PCDHGB1: variants seen among roughly 807,000 people sequenced by gnomAD.
PCDHGB1 encodes protocadherin gamma-B1.
A neutral mutation model predicts 56.6 loss-of-function variants in PCDHGB1; 34 were observed. The ratio of observed to expected loss-of-function variants is 0.60; its 90% CI spans 0.46 to 0.80. The LOEUF (loss-of-function observed/expected upper bound fraction) is 0.80, where lower values mean the gene tolerates loss of function less well. Ranked by LOEUF, PCDHGB1 falls within the 30% of genes least tolerant of loss-of-function variation. The probability of loss-of-function intolerance (pLI) is 0.00; values close to 1 mark genes in which losing one functional copy is unlikely to be tolerated. For synonymous variants in PCDHGB1, 561 were observed against 505.9 expected, an observed-to-expected ratio of 1.11 and a Z score of -1.46; for missense variants, 1,278 against 1,204.6, an observed-to-expected ratio of 1.06 and a Z score of -0.90.
At chr5:141,410,526 C>T in intron 1 of PCDHGB1, 4 of 1,613,920 alleles carry the variant, frequency 2.5e-6, no homozygotes, top group Non-Finnish European at 3.4e-6. Context: ...CCCCTACATT[C>T]CAATGAAGAC....
At chr5:141,369,112 G>C (rs527912435) in intron 1 of PCDHGB1, among the ~76,000 whole-genome samples, 4 of 152,288 alleles carry the variant, frequency 2.6e-5, no homozygotes, top group Non-Finnish European at 5.9e-5. Flanking sequence ...AATTAAAACT[G>C]TAAGACACCT....
Position 141,418,514 on chromosome 5 carries a change from G to A in PCDHGB1, c.2409+65845G>A. Reference sequence around the variant, plus strand: ...GGTACTGACCGCCTTAGATGGTGGGGACCCTCCCCGAAGCGGTACTGCTCA... The same window carrying A: ...GGTACTGACCGCCTTAGATGGTGGGAACCCTCCCCGAAGCGGTACTGCTCA... On this transcript the variant is annotated intron_variant, in intron 1 of 3. Transcript: ENST00000523390. 1 of 1,613,996 alleles carries A rather than the reference G, an allele frequency of 6.2e-7. No homozygotes were observed.
chr5:141,396,902 A>C (rs2093450439), intron 1 of PCDHGB1, among the ~76,000 whole-genome samples: 1 of 152,234 alleles, frequency 6.6e-6, no homozygotes, highest in African/African-American at 2.4e-5. Context: ...TATTATTGGC[A>C]CTTTGCAATT....
At chr5:141,370,652 G>A in intron 1 of PCDHGB1, 1 of 1,613,890 alleles carries the variant, frequency 6.2e-7, no homozygotes, top group Non-Finnish European at 8.5e-7. Context: ...ACTTACTTGT[G>A]AGCGACCGTA....
At chr5:141,371,242 A>T in intron 1 of PCDHGB1, 1 of 1,614,034 alleles carries the variant, frequency 6.2e-7, no homozygotes, top group South Asian at 1.1e-5. Context: ...GCCTTCATCA[A>T]TATTGGCAAG....
intron 1 of PCDHGB1, among the ~76,000 whole-genome samples, chr5:141,425,003 T>C (rs75915888): frequency 0.036 from 5,431 of 152,274 alleles, 181 homozygotes; most frequent in African/African-American, 0.084. Context: ...AGTTTAGTTT[T>C]CTCATTTAGG....
In PCDHGB1 at chr5:141,485,848, C is replaced by T; in HGVS notation, c.2410-8959C>T. On this transcript the variant is annotated intron_variant, in intron 1 of 3. Coordinates refer to ENST00000523390, the MANE Select transcript of PCDHGB1 (RefSeq NM_018922.3). This position sits in a 1 kb window ranked among gnomAD's most constrained non-coding sequence, Gnocchi z 5.7. ...GAGGGAACCCGCCGAGATCTGGCAC[C>T]GCAGAGCTCCGGGTATCCGTGCTGG... The T allele has an allele frequency of 1.2e-6, 2 of 1,614,194 alleles. No homozygotes were observed. Among genetic ancestry groups the T allele is most frequent in the South Asian group, 2.2e-5 (2 of 91,080 alleles).
At chr5:141,403,770 T>A in intron 1 of PCDHGB1, 1 of 1,613,894 alleles carries the variant, frequency 6.2e-7, no homozygotes, top group Non-Finnish European at 8.5e-7. Flanking sequence ...GATGAGGGAA[T>A]CAACGGAAAA....
rs1308930168 is a variant in PCDHGB1, at chr5:141,489,620, A to G, written c.2410-5187A>G. 2.5e-6 allele frequency: 4 copies of G among 1,614,058 alleles called. No individual in the cohort carries two copies. Among genetic ancestry groups the G allele is most frequent in the South Asian group, 2.2e-5 (2 of 91,072 alleles). The stretch of plus-strand genomic sequence containing the variant: ...GTAGAGGTAGAGATCCTGGATCTCA[A>G]TGACAACTCTCCTAGCTTTGCCACC... On this transcript the variant is annotated intron_variant, in intron 1 of 3. Transcript: ENST00000523390. This position sits in a 1 kb window ranked among gnomAD's most constrained non-coding sequence, Gnocchi z 4.5.
chr5:141,441,370 C>A (rs1378574921), intron 1 of PCDHGB1: 1 of 152,672 alleles, frequency 6.5e-6, no homozygotes, highest in African/African-American at 2.4e-5. Flanking sequence ...GGGCCGTGGA[C>A]CAGGAACAGA....
At chr5:141,468,746 G>A (rs1298497433) in intron 1 of PCDHGB1, among the ~76,000 whole-genome samples, 1 of 151,850 alleles carries the variant, frequency 6.6e-6, no homozygotes, top group Non-Finnish European at 1.5e-5. Flanking sequence ...GGTGCCTGTA[G>A]TCCCAGCTAC....
intron 1 of PCDHGB1, chr5:141,370,324 C>A: frequency 7.3e-7 from 1 of 1,378,620 alleles, no homozygotes. Flanking sequence ...TGGTCCTGCT[C>A]GGAGAACTCT....
chr5:141,356,694 T>C (rs753819389), intron 1 of PCDHGB1: 2 of 1,613,982 alleles, frequency 1.2e-6, no homozygotes, highest in South Asian at 2.2e-5. Flanking sequence ...CCTTCCAGGG[T>C]GCACCTCTGT....
rs1561685937 is a variant in PCDHGB1 at position 141,403,112 on chromosome 5, C to T, written c.2409+50443C>T. On this transcript the variant is annotated intron_variant, in intron 1 of 3. Coordinates refer to ENST00000523390, the MANE Select transcript of PCDHGB1 (RefSeq NM_018922.3). ...GGGCAACATCTCCAAGGACCTGGCT[C>T]TGGAGCCCCGGGAGCTGGCGGAGCG... 5.6e-6 allele frequency: 9 copies of T among 1,614,074 alleles called. No individual in the cohort carries two copies. In the East Asian group the frequency reaches 2.0e-4, roughly 36 times the overall value.
chr5:141,364,532 T>A (rs1461835311), intron 1 of PCDHGB1: 2 of 1,613,962 alleles, frequency 1.2e-6, no homozygotes. Flanking sequence ...CCGCATCGTC[T>A]CCAGAGGTAG....
Position 141,490,192 on chromosome 5 carries a change from A to C in PCDHGB1, c.2410-4615A>C. 1 of 1,614,182 alleles carries C rather than the reference A, an allele frequency of 6.2e-7. No homozygotes were observed. Among genetic ancestry groups the C allele is most frequent in the South Asian group, 1.1e-5 (1 of 91,082 alleles). On this transcript the variant is annotated intron_variant, in intron 1 of 3. Coordinates refer to ENST00000523390, the MANE Select transcript of PCDHGB1 (RefSeq NM_018922.3). The surrounding 1 kb of genome is among the most constrained non-coding windows in gnomAD (Gnocchi z 5.4). Reference sequence around the variant, plus strand: ...CTTTGAGGAGTCACGTTTCTATGAAATTCATGCAAGAGCCCGTGACCAGGG... The same window carrying C: ...CTTTGAGGAGTCACGTTTCTATGAACTTCATGCAAGAGCCCGTGACCAGGG...
intron 1 of PCDHGB1, chr5:141,421,690 C>T: frequency 6.2e-7 from 1 of 1,613,948 alleles, no homozygotes. Context: ...GCGATTTGCT[C>T]TTCCTAATGC....
chr5:141,454,385 T>C (rs1168439343), intron 1 of PCDHGB1, among the ~76,000 whole-genome samples: 5 of 152,194 alleles, frequency 3.3e-5, no homozygotes, highest in Non-Finnish European at 7.4e-5. Flanking sequence ...CTTGTCAAGA[T>C]GAAGAAAAGG....
At chr5:141,409,674 TAGTGGCG>T in intron 1 of PCDHGB1, 1 of 1,613,414 alleles carries the variant, frequency 6.2e-7, no homozygotes, top group Non-Finnish European at 8.5e-7. Flanking sequence ...TCCTACTCTA[TAGTGGCG>T]AGTGACCTAG....
Sources: gnomAD v4.1 joint callset for allele counts (sites outside exome capture counted in the v4.1 genomes callset) on GRCh38, gnomAD v4.1.1 for gene constraint, Gnocchi (gnomAD v3.1) non-coding constraint, MANE v1.5 for transcripts, NCBI Gene and HGNC (gene_info 2026-07-23, HGNC 2026-07-21) for gene names.